RPL26L1: variants seen among roughly 807,000 people sequenced by gnomAD.
RPL26L1 encodes the protein ribosomal protein L26 like 1, also known as ribosomal protein uL24-like.
A neutral mutation model predicts 15.2 loss-of-function variants in RPL26L1; 8 were observed. The ratio of observed to expected loss-of-function variants is 0.53; its 90% CI spans 0.31 to 0.95. The LOEUF is 0.95. Ranked by LOEUF, RPL26L1 falls within the 40% of genes least tolerant of loss-of-function variation. The probability of loss-of-function intolerance (pLI) is 0.05; values close to 1 mark genes in which losing one functional copy is unlikely to be tolerated. For synonymous variants in RPL26L1, 51 were observed against 65.9 expected, an observed-to-expected ratio of 0.77 and a Z score of 1.09; for missense variants, 146 against 190.9, an observed-to-expected ratio of 0.76 and a Z score of 1.39.
At chr5:172,966,060 T>TA (rs1390635055) in intron 2 of RPL26L1, among the ~76,000 whole-genome samples, 2 of 152,226 alleles carry the variant, frequency 1.3e-5, no homozygotes, top group Non-Finnish European at 2.9e-5. Flanking sequence ...CCAGCCGACT[T>TA]AGTCTTATCC....
chr5:172,966,028 C>T (rs1248364708), intron 2 of RPL26L1, among the ~76,000 whole-genome samples: 1 of 152,248 alleles, frequency 6.6e-6, no homozygotes, highest in East Asian at 1.9e-4. Flanking sequence ...CCTCTTCATC[C>T]TCACCTCTCC....
chr5:172,956,182 C>T (rs190519518), upstream of RPL26L1, among the ~76,000 whole-genome samples: 11 of 152,208 alleles, frequency 7.2e-5, no homozygotes, highest in Non-Finnish European at 8.8e-5. Context: ...AGGGGAAAAA[C>T]GAAAGTCACC....
At chr5:172,958,481 G>T (rs139878364), upstream of RPL26L1, 532 of 455,642 alleles carry the variant, frequency 1.2e-3, 3 homozygotes, top group African/African-American at 9.2e-3. Context: ...GAACGAAAGG[G>T]AGAGTTGGAG....
At chr5:172,957,122 C>T (rs1255549331), upstream of RPL26L1, 3 of 452,362 alleles carry the variant, frequency 6.6e-6, no homozygotes, top group African/African-American at 6.0e-5. Context: ...CTTCCCCATG[C>T]AGCCACTGCC....
intron 1 of RPL26L1, 62 bp downstream of exon 1, chr5:172,959,530 A>G (rs553676349): frequency 1.3e-5 from 14 of 1,112,580 alleles, no homozygotes; most frequent in Admixed American, 8.3e-5. Flanking sequence ...ACCCTGCCCT[A>G]TGTGTCGCGG....
At chr5:172,967,647 A>T (rs1755506647) in intron 2 of RPL26L1, among the ~76,000 whole-genome samples, 1 of 152,062 alleles carries the variant, frequency 6.6e-6, no homozygotes, top group South Asian at 2.1e-4. Context: ...ATAAATCTAA[A>T]AATCAGTCAT....
chr5:172,958,426 C>G, upstream of RPL26L1: 1 of 456,258 alleles, frequency 2.2e-6, no homozygotes, highest in Non-Finnish European at 4.4e-6. Flanking sequence ...TTTCAGCATG[C>G]CGGCATTTGG....
chr5:172,957,180 T>G (rs541603291), upstream of RPL26L1: 1 of 456,246 alleles, frequency 2.2e-6, no homozygotes, highest in East Asian at 7.0e-5. Flanking sequence ...GCTAGGTGCT[T>G]TGAGTTCCTG....
intron 2 of RPL26L1, among the ~76,000 whole-genome samples, chr5:172,966,039 A>G (rs1356804083): frequency 2.6e-5 from 4 of 152,114 alleles, no homozygotes; most frequent in South Asian, 4.1e-4. Context: ...TCACCTCTCC[A>G]GTCTAGTCGA....
intron 2 of RPL26L1, among the ~76,000 whole-genome samples, chr5:172,967,042 G>A (rs562160312): frequency 2.0e-5 from 3 of 151,886 alleles, no homozygotes; most frequent in Admixed American, 6.5e-5. Flanking sequence ...TTTTAGTAGA[G>A]ACAGGGTTTC....
intron 2 of RPL26L1, among the ~76,000 whole-genome samples, chr5:172,967,770 A>G (rs1022650957): frequency 8.5e-6 from 1 of 117,904 alleles, no homozygotes; most frequent in Non-Finnish European, 1.8e-5. Context: ...ACATATATAC[A>G]CATATATACG....
intron 2 of RPL26L1, among the ~76,000 whole-genome samples, chr5:172,968,089 A>G (rs767445308): frequency 8.5e-5 from 13 of 152,114 alleles, no homozygotes; most frequent in Admixed American, 5.9e-4. Flanking sequence ...TTAGCTAGTA[A>G]TGCAGATATT....
chr5:172,956,810 C>T (rs974492750), upstream of RPL26L1, among the ~76,000 whole-genome samples: 31 of 151,928 alleles, frequency 2.0e-4, no homozygotes, highest in Admixed American at 2.0e-4. Flanking sequence ...TGGTGGCATA[C>T]GCCTGTAGTC....
At chr5:172,968,368 A>G (rs2113553527) in intron 2 of RPL26L1, 91 bp from the exon 3 acceptor site, 2 of 1,487,332 alleles carry the variant, frequency 1.3e-6, no homozygotes, top group Non-Finnish European at 1.8e-6. Context: ...ACAAAGTTAT[A>G]TGTTTAGCCC....
intron 2 of RPL26L1, among the ~76,000 whole-genome samples, chr5:172,961,516 A>T (rs1368799395): frequency 1.3e-5 from 2 of 152,194 alleles, no homozygotes; most frequent in Non-Finnish European, 2.9e-5. Context: ...TCCAGCTACT[A>T]CACTTTGTTC....
At chr5:172,954,350 TTGAGCC>T (rs1764304397), upstream of RPL26L1, among the ~76,000 whole-genome samples, 1 of 152,002 alleles carries the variant, frequency 6.6e-6, no homozygotes. Context: ...AGAGGATTGC[TTGAGCC>T]CAAGAGTTTG....
chr5:172,969,097 T>C (rs1755586224), intron 3 of RPL26L1, among the ~76,000 whole-genome samples: 1 of 152,076 alleles, frequency 6.6e-6, no homozygotes, highest in Non-Finnish European at 1.5e-5. Flanking sequence ...TGAGCCATCA[T>C]GGCCGGCCGA....
chr5:172,966,617 GT>G (rs2113547406), intron 2 of RPL26L1, among the ~76,000 whole-genome samples: 2 of 126,630 alleles, frequency 1.6e-5, no homozygotes, highest in South Asian at 5.3e-4. Flanking sequence ...GTGTGTATGT[GT>G]GTATTTCTTC....
At chr5:172,955,263 A>C (rs28550282), upstream of RPL26L1, 1 of 297,640 alleles carries the variant, frequency 3.4e-6, no homozygotes, top group South Asian at 3.0e-5. Context: ...TGAGTAGCTG[A>C]GATTACAGGC....
Sources: allele counts gnomAD v4.1 joint callset (sites outside exome capture counted in the v4.1 genomes callset), GRCh38; gene constraint gnomAD v4.1.1; transcripts MANE v1.5; gene names NCBI Gene and HGNC (gene_info 2026-07-23, HGNC 2026-07-21).